The following GPC6 variants were observed in gnomAD, a reference collection of about 807,000 sequenced individuals.
The protein encoded by GPC6 is glypican-6.
A neutral mutation model predicts 55.2 loss-of-function variants in GPC6; 14 were observed. The ratio of observed to expected loss-of-function variants is 0.25; its 90% CI spans 0.17 to 0.40. GPC6 has a LOEUF of 0.40. Among genes scored for constraint, GPC6 ranks in the 10% least tolerant of loss-of-function variants. The pLI is 1.00. For missense variants in GPC6, 641 were observed against 708.5 expected (o/e 0.90, Z 1.08); for synonymous variants, 278 against 259.6 (o/e 1.07, Z -0.68).
intron 6 of GPC6, among the ~76,000 whole-genome samples, chr13:94,319,137 GTCT>G (rs2139127538): frequency 6.6e-6 from 1 of 151,740 alleles, no homozygotes; most frequent in East Asian, 1.9e-4. Flanking sequence ...CATCTTTTTA[GTCT>G]TCTTTTTCTT....
At chr13:94,180,918 G>GAGGCTTTT (rs1888972595) in intron 4 of GPC6, among the ~76,000 whole-genome samples, 1 of 151,922 alleles carries the variant, frequency 6.6e-6, no homozygotes, top group Non-Finnish European at 1.5e-5. Context: ...CTGAAACAAG[G>GAGGCTTTT]AGGCTTTAAT....
At chr13:94,105,363 C>T (rs1259154600) in intron 4 of GPC6, among the ~76,000 whole-genome samples, 2 of 112,530 alleles carry the variant, frequency 1.8e-5, no homozygotes, top group African/African-American at 3.4e-5. Flanking sequence ...GCAAAATATC[C>T]TGTTTCAAAT....
Position 93,782,550 on chromosome 13 carries a change from A to G in GPC6, c.320-47604A>G, listed in dbSNP as rs138227110. Among the ~76,000 whole-genome samples the G allele has an allele frequency of 2.8e-3, 428 of 152,262 alleles. 4 individuals are homozygous for G. Among genetic ancestry groups the G allele is most frequent in the East Asian group, 0.016 (83 of 5,166 alleles). ...GCTGTATTAGTTTACATTCCCACCC[A>G]ACATGTATAAGAATTCCTTTTTCTC... On this transcript the variant is annotated intron_variant, in intron 2 of 8. Transcript: ENST00000377047.
intron 2 of GPC6, among the ~76,000 whole-genome samples, chr13:93,742,224 A>G (rs1884231679): frequency 6.6e-6 from 1 of 152,216 alleles, no homozygotes; most frequent in Non-Finnish European, 1.5e-5. Flanking sequence ...CAAGATGGAA[A>G]TATGATTCCA....
intron 3 of GPC6, among the ~76,000 whole-genome samples, chr13:93,987,290 G>T (rs1005073330): frequency 1.2e-4 from 18 of 152,246 alleles, no homozygotes; most frequent in Non-Finnish European, 1.9e-4. Flanking sequence ...ATGCATCCAT[G>T]CATTCATTCC....
intron 3 of GPC6, among the ~76,000 whole-genome samples, chr13:93,987,849 A>G (rs1304149839): frequency 6.6e-6 from 1 of 152,186 alleles, no homozygotes; most frequent in Non-Finnish European, 1.5e-5. Flanking sequence ...ATCTGCAAAT[A>G]TCTGATCAGA....
intron 4 of GPC6, among the ~76,000 whole-genome samples, chr13:94,140,747 A>G: frequency 6.6e-6 from 1 of 152,142 alleles, no homozygotes. Flanking sequence ...AATTAGGCAG[A>G]ACTCCAAGCT....
intron 5 of GPC6, among the ~76,000 whole-genome samples, chr13:94,303,719 C>G (rs1202836380): frequency 6.8e-6 from 1 of 146,482 alleles, no homozygotes; most frequent in East Asian, 2.0e-4. Context: ...CAGAAAGCTA[C>G]TAGGCTATAT....
intron 2 of GPC6, among the ~76,000 whole-genome samples, chr13:93,798,844 A>G (rs560927505): frequency 1.4e-5 from 2 of 145,528 alleles, no homozygotes; most frequent in Admixed American, 7.2e-5. Flanking sequence ...GCTTGAACCC[A>G]GGAGGCGGAG....
intron 1 of GPC6, among the ~76,000 whole-genome samples, chr13:93,298,210 C>G (rs1042478705): frequency 4.6e-5 from 7 of 152,310 alleles, no homozygotes; most frequent in Non-Finnish European, 8.8e-5. Context: ...ATACAAACAT[C>G]AGCAATGACA....
intron 1 of GPC6, among the ~76,000 whole-genome samples, chr13:93,293,838 A>C (rs1328722109): frequency 6.6e-6 from 1 of 152,180 alleles, no homozygotes; most frequent in Non-Finnish European, 1.5e-5. Flanking sequence ...TTTCAGCTTC[A>C]TTTCCTTCTA....
intron 3 of GPC6, among the ~76,000 whole-genome samples, chr13:93,994,439 A>G (rs574106465): frequency 2.6e-5 from 4 of 152,332 alleles, no homozygotes; most frequent in African/African-American, 9.6e-5. Context: ...TTGTTCCTAT[A>G]GAGCACATTT....
At chr13:93,257,027 G>A (rs1312174401) in intron 1 of GPC6, among the ~76,000 whole-genome samples, 2 of 152,126 alleles carry the variant, frequency 1.3e-5, no homozygotes, top group Admixed American at 6.5e-5. Flanking sequence ...TTAATGGGCT[G>A]GGCATGGTGG....
At chr13:93,677,566 T>A (rs1881682742) in intron 2 of GPC6, among the ~76,000 whole-genome samples, 1 of 152,084 alleles carries the variant, frequency 6.6e-6, no homozygotes, top group Non-Finnish European at 1.5e-5. Context: ...ATAACATTAA[T>A]TTGGCATTGA....
intron 1 of GPC6, among the ~76,000 whole-genome samples, chr13:93,422,238 C>T (rs573346516): frequency 2.6e-5 from 4 of 152,184 alleles, no homozygotes; most frequent in South Asian, 4.1e-4. Context: ...GCAACACCCT[C>T]GAAATATGAA....
intron 1 of GPC6, among the ~76,000 whole-genome samples, chr13:93,542,836 G>A (rs1299079344): frequency 1.3e-5 from 2 of 152,040 alleles, no homozygotes; most frequent in Non-Finnish European, 2.9e-5. Context: ...GTCTGTTATT[G>A]GTGTATAAGA....
At chr13:93,768,451 C>T (rs757250622) in intron 2 of GPC6, among the ~76,000 whole-genome samples, 2 of 152,178 alleles carry the variant, frequency 1.3e-5, no homozygotes, top group Admixed American at 6.6e-5. Context: ...TCAGTGACTG[C>T]ATTTTTATTC....
At chr13:94,380,449 G>A (rs2139205386) in intron 6 of GPC6, among the ~76,000 whole-genome samples, 1 of 152,090 alleles carries the variant, frequency 6.6e-6, no homozygotes, top group Non-Finnish European at 1.5e-5. Context: ...TGAAAAAAAA[G>A]TCAAACTTAA....
rs200837726 is a variant in GPC6 at position 94,251,725 on chromosome 13, C to A, written c.878-34624C>A. ...GAAAGCTAAAAGGCAAAAAAAAAAA[C>A]AAAAACAAAACAAACTGTTGCAAAA... On this transcript the variant is annotated intron_variant, in intron 4 of 8. Coordinates refer to ENST00000377047, the MANE Select transcript of GPC6 (RefSeq NM_005708.5). 2.1e-3 allele frequency among the ~76,000 whole-genome samples: 254 copies of A among 122,096 alleles called. 1 individual carries two copies. The highest frequency in any genetic ancestry group is 7.7e-3 in the African/African-American group (215 of 27,850). The allele number at this position is 122,096 out of a possible 152,430, so 80.1% of individuals were successfully genotyped here.
Sources: allele counts gnomAD v4.1 joint callset (sites outside exome capture counted in the v4.1 genomes callset), GRCh38; gene constraint gnomAD v4.1.1; transcripts MANE v1.5; gene names NCBI Gene and HGNC (gene_info 2026-07-23, HGNC 2026-07-21).